ZNF711: variants seen among roughly 807,000 people sequenced by gnomAD.
ZNF711 encodes zinc finger protein 711.
A neutral mutation model predicts 43.5 loss-of-function variants in ZNF711; 3 were observed. The ratio of observed to expected loss-of-function variants is 0.07; its 90% CI spans 0.03 to 0.18. The LOEUF is 0.18. Among genes scored for constraint, ZNF711 ranks in the 10% least tolerant of loss-of-function variants. The pLI is 1.00. For synonymous variants in ZNF711, 209 were observed against 207.7 expected (o/e 1.01, Z -0.06); for missense variants, 412 against 604.0 (o/e 0.68, Z 3.33).
intron 5 of ZNF711, among the ~76,000 whole-genome samples, chrX:85,258,065 A>G (rs1289913924): frequency 8.9e-6 from 1 of 112,637 alleles, no homozygotes; most frequent in African/African-American, 3.2e-5. Context: ...GTCATTATAC[A>G]AAAAAGATAC....
Position 85,260,824 on chromosome X carries a change from A to G in ZNF711, c.623-3451A>G, listed in dbSNP as rs775434364. ...GTGCTGAACCCCGCCCCCCCTGCTG[A>G]CATACACACAGTTGAAAAGCCATAT... On this transcript the variant is annotated intron_variant, in intron 5 of 10. Transcript: ENST00000674551. 9.3e-4 allele frequency among the ~76,000 whole-genome samples: 103 copies of G among 110,741 alleles called. No homozygotes were observed. In the Admixed American group the frequency reaches 1.0e-2, roughly 11 times the overall value.
At chrX:85,262,075 T>G (rs561385836) in intron 5 of ZNF711, among the ~76,000 whole-genome samples, 1 of 111,116 alleles carries the variant, frequency 9.0e-6, no homozygotes, top group South Asian at 3.7e-4. Flanking sequence ...AAATACAGAA[T>G]AAGTTCAGTT....
At chrX:85,245,740 T>C (rs1433721397) in intron 1 of ZNF711, among the ~76,000 whole-genome samples, 163 bp from the exon 2 acceptor site, 2 of 112,373 alleles carry the variant, frequency 1.8e-5, no homozygotes, top group Non-Finnish European at 3.8e-5. Flanking sequence ...TTGTTTTTGT[T>C]GGAATCCGTT....
At position 85,244,136 on chromosome X, in the gene ZNF711, G is replaced by GGCGGCGGCGGCAGCGGCGGCGGCA. The variant is rs749486374; in HGVS notation, c.-446_-423dup. 2 of 148,321 alleles carry GGCGGCGGCGGCAGCGGCGGCGGCA rather than the reference G, an allele frequency of 1.3e-5. No individual in the cohort carries two copies. Among genetic ancestry groups the GGCGGCGGCGGCAGCGGCGGCGGCA allele is most frequent in the Admixed American group, 9.0e-5 (1 of 11,150 alleles). The allele number at this position is 148,321 out of a possible 1,213,427, so 12.2% of individuals were successfully genotyped here. A position where few individuals can be genotyped will look rare whatever the true frequency, so the allele number is the denominator to read the frequency against. On this transcript the variant is annotated 5_prime_UTR_variant, in exon 1 of 11. Transcript: ENST00000674551. Reference sequence around the variant, plus strand: ...CTGGCGGCACGGAGGCGGCGGCGGCGGCGGCGGCGGCAGCGGCGGCGGCAG... The same window carrying GGCGGCGGCGGCAGCGGCGGCGGCA: ...CTGGCGGCACGGAGGCGGCGGCGGCGGCGGCGGCGGCAGCGGCGGCGGCAGCGGCGGCGGCAGCGGCGGCGGCAG...
Position 85,272,078 on chromosome X carries a change from A to T in ZNF711, c.*250A>T. On this transcript the variant is annotated 3_prime_UTR_variant, in exon 11 of 11. Coordinates refer to ENST00000674551, the MANE Select transcript of ZNF711 (RefSeq NM_001330574.2). ...TCTTAAGTATCTGTGTAATAGTATT[A>T]TATGCATACTTAAACTACAGAGGGG... 1 of 349,323 alleles carries T rather than the reference A, an allele frequency of 2.9e-6. No homozygotes were observed. The allele number at this position is 349,323 out of a possible 1,213,427, so 28.8% of individuals were successfully genotyped here.
chrX:85,269,567 G>C (rs1931396680), intron 9 of ZNF711, among the ~76,000 whole-genome samples: 1 of 108,761 alleles, frequency 9.2e-6, no homozygotes, highest in Admixed American at 9.8e-5. Flanking sequence ...TGTAGAGACA[G>C]GATCTTATTA....
chrX:85,252,884 G>A (rs1929671595), intron 4 of ZNF711, among the ~76,000 whole-genome samples: 1 of 111,587 alleles, frequency 9.0e-6, no homozygotes, highest in Admixed American at 9.5e-5. Context: ...TCTTTGATGT[G>A]TTAGTGTCCA....
intron 4 of ZNF711, among the ~76,000 whole-genome samples, chrX:85,253,367 T>C (rs780311153): frequency 1.4e-3 from 158 of 112,090 alleles, no homozygotes; most frequent in African/African-American, 4.9e-3. Context: ...GTATATTTTA[T>C]AATAGAATAT....
Position 85,271,839 on chromosome X carries a change from A to G in ZNF711, c.*11A>G. Reference sequence around the variant, plus strand: ...GAGGCTCTTATGTAATAAGATCAATATAAAGAAAGAAGCTATTTAGGAGAT... The same window carrying G: ...GAGGCTCTTATGTAATAAGATCAATGTAAAGAAAGAAGCTATTTAGGAGAT... On this transcript the variant is annotated 3_prime_UTR_variant, in exon 11 of 11. Transcript: ENST00000674551. 1 of 1,175,319 alleles carries G rather than the reference A, an allele frequency of 8.5e-7. No individual in the cohort carries two copies. Among genetic ancestry groups the G allele is most frequent in the Non-Finnish European group, 1.2e-6 (1 of 863,336 alleles).
chrX:85,258,780 A>T (rs1420999910), intron 5 of ZNF711, among the ~76,000 whole-genome samples: 5 of 109,295 alleles, frequency 4.6e-5, no homozygotes, highest in Non-Finnish European at 9.6e-5. Flanking sequence ...TTGCTGATTT[A>T]AGTTCTTTGT....
chrX:85,265,415 T>TG (rs1373637897), intron 7 of ZNF711, among the ~76,000 whole-genome samples, 160 bp downstream of exon 7: 9 of 111,335 alleles, frequency 8.1e-5, no homozygotes, highest in African/African-American at 2.9e-4. Flanking sequence ...AGGGTCCTTT[T>TG]GACCATTCAT....
chrX:85,247,042 T>C lies in ZNF711; in HGVS notation c.-173T>C. On this transcript the variant is annotated 5_prime_UTR_variant, in exon 3 of 11. Transcript: ENST00000674551. ...CCGGGGAAACTGGGATAGAACATTT[T>C]ACATTATAAGTAGAACCCTGGGAGC... The C allele has an allele frequency of 3.4e-6, 1 of 297,010 alleles. No individual in the cohort carries two copies. The highest frequency in any genetic ancestry group is 4.8e-5 in the East Asian group (1 of 21,029). 24.5% of individuals were successfully genotyped at this position (297,010 alleles called of 1,213,427 possible).
At chrX:85,246,106 G>C (rs1929027408) in intron 2 of ZNF711, 84 bp downstream of exon 2, 1 of 111,844 alleles carries the variant, frequency 8.9e-6, no homozygotes, top group South Asian at 3.7e-4. Flanking sequence ...GACATTTGTA[G>C]TTGTTCTATT....
intron 10 of ZNF711, 32 bp downstream of exon 10, chrX:85,270,178 A>C: frequency 8.5e-7 from 1 of 1,183,067 alleles, no homozygotes; most frequent in Non-Finnish European, 1.1e-6. Flanking sequence ...TATTATAATT[A>C]TTTGAGATGT....
rs200444579 is a variant in ZNF711 at position 85,270,772 on chromosome X, G to A, written c.1368G>A (p.Met456Ile). The A allele has an allele frequency of 5.6e-5, 67 of 1,201,684 alleles. No homozygotes were observed. The South Asian group carries it at 8.1e-4, about 15-fold the overall frequency. ...RHMKNHPDHL[M>I]RKKYQCTDCD... ...TGAAGAATCATCCTGATCATTTAAT[G>A]AGAAAAAAATATCAGTGTACAGATT... The change falls in exon 11 of 11, where the codon ATG (methionine) becomes ATA (isoleucine). Residue 456 changes from methionine to isoleucine, a missense_variant. Physicochemically the swap from Met to Ile is conservative, Grantham distance 10. This residue lies in a region of ZNF711 where 375 missense variants were observed against 514.2 expected (regional missense o/e 0.73). Coordinates refer to ENST00000674551, the MANE Select transcript of ZNF711 (RefSeq NM_001330574.2).
intron 4 of ZNF711, among the ~76,000 whole-genome samples, chrX:85,253,192 A>C (rs1027688813): frequency 1.8e-5 from 2 of 111,604 alleles, no homozygotes; most frequent in Non-Finnish European, 3.8e-5. Context: ...CTCAAGAAAA[A>C]CATTAAAGCT....
At position 85,255,678 on chromosome X, in the gene ZNF711, T is replaced by G. The variant is rs779497778; in HGVS notation, c.499T>G (p.Ser167Ala). ...MVSEEVLVTNSDTETVIQAAG... is the reference protein window; with the variant it reads ...MVSEEVLVTNADTETVIQAAG... ...ATCAGAGGAGGTTCTTGTAACTAAT[T>G]CAGATACAGAAACTGTGATTCAAGC... The change falls in exon 5 of 11, where the codon TCA becomes GCA. Residue 167 changes from serine to alanine, a missense_variant. This residue lies in a region of ZNF711 where 375 missense variants were observed against 514.2 expected (regional missense o/e 0.73). Coordinates refer to ENST00000674551, the MANE Select transcript of ZNF711 (RefSeq NM_001330574.2). 1.7e-5 allele frequency: 20 copies of G among 1,209,341 alleles called. No homozygotes were observed. Among genetic ancestry groups the G allele is most frequent in the Non-Finnish European group, 2.2e-5 (20 of 895,123 alleles).
At position 85,244,148 on chromosome X, in the gene ZNF711, A is replaced by AGCGGCG. The variant is rs770058389; in HGVS notation, c.-443_-438dup. On this transcript the variant is annotated 5_prime_UTR_variant, in exon 1 of 11. Coordinates refer to ENST00000674551, the MANE Select transcript of ZNF711 (RefSeq NM_001330574.2). Reference sequence around the variant, plus strand: ...AGGCGGCGGCGGCGGCGGCGGCGGCAGCGGCGGCGGCAGCGGCGGCGGCAG... The same window carrying AGCGGCG: ...AGGCGGCGGCGGCGGCGGCGGCGGCAGCGGCGGCGGCGGCGGCAGCGGCGGCGGCAG... The AGCGGCG allele has an allele frequency of 3.0e-5, 4 of 132,586 alleles. No homozygotes were observed. The highest frequency in any genetic ancestry group is 2.6e-3 in the Middle Eastern group (1 of 379). The allele number at this position is 132,586 out of a possible 1,213,427, so 10.9% of individuals were successfully genotyped here. A position where few individuals can be genotyped will look rare whatever the true frequency, so the allele number is the denominator to read the frequency against.
intron 4 of ZNF711, among the ~76,000 whole-genome samples, chrX:85,250,358 C>T (rs779857979): frequency 1.8e-5 from 2 of 111,254 alleles, no homozygotes. Flanking sequence ...GTAAGATTTT[C>T]GTTCACTATC....
Sources: allele counts gnomAD v4.1 joint callset (sites outside exome capture counted in the v4.1 genomes callset), GRCh38; gene constraint gnomAD v4.1.1; regional missense constraint gnomAD v4.1.1; transcripts MANE v1.5; gene names NCBI Gene and HGNC (gene_info 2026-07-23, HGNC 2026-07-21).